SYNPR: variants seen among roughly 807,000 people sequenced by gnomAD.
SYNPR encodes the protein synaptoporin.
Under a neutral mutation model 32.9 loss-of-function variants are expected in SYNPR, and 23 were observed. That is an observed-to-expected ratio of 0.70 (90% confidence interval 0.50 to 0.99). The LOEUF (loss-of-function observed/expected upper bound fraction) is 0.99, where lower values mean the gene tolerates loss of function less well. Ranked by LOEUF, SYNPR falls within the 50% of genes least tolerant of loss-of-function variation. The pLI is 0.00. For missense variants in SYNPR, 318 were observed against 349.3 expected (o/e 0.91, Z 0.71); for synonymous variants, 146 against 135.9 (o/e 1.07, Z -0.52).
intron 2 of SYNPR, among the ~76,000 whole-genome samples, chr3:63,425,334 T>C (rs1052734918): frequency 2.6e-5 from 4 of 152,110 alleles, no homozygotes; most frequent in South Asian, 2.1e-4. Context: ...AGTTTTTGTG[T>C]TTTTCAGACA....
chr3:63,512,458 G>T (rs1309750207), intron 3 of SYNPR, among the ~76,000 whole-genome samples: 1 of 152,162 alleles, frequency 6.6e-6, no homozygotes, highest in African/African-American at 2.4e-5. Context: ...TGGAATTATG[G>T]CTGTTAATCA....
At chr3:63,534,124 T>C (rs1049957641) in intron 3 of SYNPR, among the ~76,000 whole-genome samples, 2 of 152,178 alleles carry the variant, frequency 1.3e-5, no homozygotes, top group South Asian at 2.1e-4. Flanking sequence ...TTGTCCACCA[T>C]TGATGTTGTT....
chr3:63,351,520 G>A (rs985121514), intron 2 of SYNPR: 4 of 152,160 alleles, frequency 2.6e-5, no homozygotes, highest in African/African-American at 9.7e-5. Flanking sequence ...AATTAAAACA[G>A]TAGCTCTTTT....
At chr3:63,484,596 C>A (rs1357614908) in intron 3 of SYNPR, among the ~76,000 whole-genome samples, 1 of 152,066 alleles carries the variant, frequency 6.6e-6, no homozygotes, top group Non-Finnish European at 1.5e-5. Context: ...AACAGACCTG[C>A]AAACACTTAT....
At chr3:63,455,632 A>G (rs957462823) in intron 2 of SYNPR, among the ~76,000 whole-genome samples, 1 of 152,126 alleles carries the variant, frequency 6.6e-6, no homozygotes, top group African/African-American at 2.4e-5. Flanking sequence ...CTGACAGGGC[A>G]GATGTTCACC....
At chr3:63,392,945 G>A (rs2107087315) in intron 2 of SYNPR, among the ~76,000 whole-genome samples, 1 of 152,216 alleles carries the variant, frequency 6.6e-6, no homozygotes, top group East Asian at 1.9e-4. Flanking sequence ...TTCTAGTAGT[G>A]TATTATGATT....
At chr3:63,401,493 T>A (rs770323926) in intron 2 of SYNPR, among the ~76,000 whole-genome samples, 3 of 152,134 alleles carry the variant, frequency 2.0e-5, no homozygotes, top group Non-Finnish European at 4.4e-5. Context: ...CTCCCTCCCA[T>A]GCTGTTCCTA....
chr3:63,574,494 A>G (rs898400329), intron 4 of SYNPR, among the ~76,000 whole-genome samples: 3 of 152,180 alleles, frequency 2.0e-5, no homozygotes, highest in African/African-American at 7.2e-5. Flanking sequence ...GGGCAAAGTG[A>G]GGAGAAGTGG....
At chr3:63,345,283 T>C (rs2087423003) in intron 2 of SYNPR, among the ~76,000 whole-genome samples, 2 of 152,228 alleles carry the variant, frequency 1.3e-5, no homozygotes, top group Admixed American at 1.3e-4. Flanking sequence ...TGAGATTAAA[T>C]CATAAATAGC....
At chr3:63,420,014 G>A (rs1219310357) in intron 2 of SYNPR, among the ~76,000 whole-genome samples, 3 of 152,078 alleles carry the variant, frequency 2.0e-5, no homozygotes, top group Admixed American at 6.5e-5. Flanking sequence ...TCTAACAAAG[G>A]GAGTGCAAGA....
At chr3:63,491,465 A>G (rs1177725876) in intron 3 of SYNPR, among the ~76,000 whole-genome samples, 1 of 152,184 alleles carries the variant, frequency 6.6e-6, no homozygotes, top group Non-Finnish European at 1.5e-5. Context: ...ACCTGTTTGT[A>G]TATGGCCCAC....
At chr3:63,417,446 G>T (rs1211096848) in intron 2 of SYNPR, among the ~76,000 whole-genome samples, 1 of 152,186 alleles carries the variant, frequency 6.6e-6, no homozygotes, top group Non-Finnish European at 1.5e-5. Flanking sequence ...AGCTGTCATT[G>T]GATCTACCAC....
intron 2 of SYNPR, among the ~76,000 whole-genome samples, chr3:63,253,807 T>C (rs974183971): frequency 1.3e-5 from 2 of 152,204 alleles, no homozygotes; most frequent in Admixed American, 6.5e-5. Context: ...CCCAGCCATC[T>C]CATTACTGAG....
intron 2 of SYNPR, among the ~76,000 whole-genome samples, chr3:63,253,078 T>C (rs1266874547): frequency 6.6e-6 from 1 of 152,042 alleles, no homozygotes. Flanking sequence ...ATTTTTCTTT[T>C]TCAGTTATTC....
At chr3:63,546,872 A>G (rs1394896449) in intron 3 of SYNPR, among the ~76,000 whole-genome samples, 1 of 152,172 alleles carries the variant, frequency 6.6e-6, no homozygotes, top group Admixed American at 6.6e-5. Flanking sequence ...TAGCACGTGC[A>G]TGCTGTTGTT....
At chr3:63,299,443 AT>A (rs1277310076) in intron 2 of SYNPR, among the ~76,000 whole-genome samples, 4 of 151,486 alleles carry the variant, frequency 2.6e-5, no homozygotes, top group Admixed American at 2.6e-4. Context: ...TGTTTTTTGT[AT>A]TCAAGGAAGA....
intron 2 of SYNPR, among the ~76,000 whole-genome samples, chr3:63,266,714 A>AAAAAAAAC (rs1408765855): frequency 1.2e-4 from 18 of 149,888 alleles, no homozygotes; most frequent in Non-Finnish European, 2.1e-4. Flanking sequence ...TCTCAAAAAA[A>AAAAAAAAC]AAAACACAAA....
At chr3:63,335,587 G>A (rs1050703914) in intron 2 of SYNPR, among the ~76,000 whole-genome samples, 4 of 151,904 alleles carry the variant, frequency 2.6e-5, no homozygotes, top group African/African-American at 9.7e-5. Context: ...TAACCTGAGA[G>A]CTTCCTCTGA....
At chr3:63,417,505 G>C (rs2088557328) in intron 2 of SYNPR, among the ~76,000 whole-genome samples, 1 of 152,250 alleles carries the variant, frequency 6.6e-6, no homozygotes, top group Non-Finnish European at 1.5e-5. Flanking sequence ...CCACTAGGCA[G>C]TGGCCTAGTA....
Sources: gnomAD v4.1 joint callset for allele counts (sites outside exome capture counted in the v4.1 genomes callset) on GRCh38, gnomAD v4.1.1 for gene constraint, MANE v1.5 for transcripts, NCBI Gene and HGNC (gene_info 2026-07-23, HGNC 2026-07-21) for gene names.